DLG2: variants seen among roughly 807,000 people sequenced by gnomAD.
The protein encoded by DLG2 is discs large MAGUK scaffold protein 2, also known as disks large homolog 2.
DLG2 carries 45 observed loss-of-function variants against 132.5 expected under a neutral mutation model. That is an observed-to-expected ratio of 0.34 (90% CI 0.27 to 0.44). The LOEUF is 0.44. Ranked by LOEUF, DLG2 falls within the 20% of genes least tolerant of loss-of-function variation. DLG2 has a pLI of 1.00. For missense variants in DLG2, 1,045 were observed against 1,196.9 expected (o/e 0.87, Z 1.87); for synonymous variants, 424 against 419.6 (o/e 1.01, Z -0.13).
At chr11:84,866,612 C>G (rs950065234) in intron 6 of DLG2, among the ~76,000 whole-genome samples, 2 of 152,200 alleles carry the variant, frequency 1.3e-5, no homozygotes, top group Non-Finnish European at 2.9e-5. Flanking sequence ...CTGAACTACA[C>G]TGTTCTCATT....
At chr11:85,592,117 T>C (rs192820393) in intron 3 of DLG2, among the ~76,000 whole-genome samples, 65 of 152,372 alleles carry the variant, frequency 4.3e-4, no homozygotes, top group Non-Finnish European at 7.8e-4. Flanking sequence ...TGATGTTTTG[T>C]ATTGTTTTTC....
intron 18 of DLG2, chr11:83,725,553 C>T (rs2089844725): frequency 6.6e-6 from 1 of 152,198 alleles, no homozygotes; most frequent in African/African-American, 2.4e-5. Flanking sequence ...AAAACCAAGT[C>T]AAGAAATAAG....
intron 3 of DLG2, among the ~76,000 whole-genome samples, chr11:85,494,199 A>C (rs1284183238): frequency 1.3e-5 from 2 of 152,218 alleles, no homozygotes; most frequent in Non-Finnish European, 2.9e-5. Flanking sequence ...TGGAGGGAAC[A>C]CCATCACTTG....
intron 12 of DLG2, among the ~76,000 whole-genome samples, chr11:83,972,109 T>C (rs1292003773): frequency 6.6e-6 from 1 of 152,096 alleles, no homozygotes; most frequent in Non-Finnish European, 1.5e-5. Context: ...AAAGTTAATT[T>C]CTCAAGGCCA....
chr11:85,298,763 A>G (rs1008850656), intron 3 of DLG2, among the ~76,000 whole-genome samples: 24 of 152,080 alleles, frequency 1.6e-4, no homozygotes, highest in Non-Finnish European at 4.4e-5. Context: ...CAATATTACC[A>G]TCTGATTTTG....
intron 3 of DLG2, among the ~76,000 whole-genome samples, chr11:85,313,021 G>A (rs2080414112): frequency 6.6e-6 from 1 of 151,882 alleles, no homozygotes; most frequent in Admixed American, 6.6e-5. Context: ...TTTGGCTGTG[G>A]CTATATAACT....
At chr11:83,578,855 T>C (rs2096924336) in intron 19 of DLG2, among the ~76,000 whole-genome samples, 1 of 152,242 alleles carries the variant, frequency 6.6e-6, no homozygotes, top group South Asian at 2.1e-4. Context: ...AAGATTATTA[T>C]ATTTCTGGGT....
intron 5 of DLG2, among the ~76,000 whole-genome samples, chr11:85,140,573 G>A (rs1474327192): frequency 7.1e-6 from 1 of 141,458 alleles, no homozygotes; most frequent in Non-Finnish European, 1.6e-5. Flanking sequence ...TTTTTTTTTT[G>A]TATTAGACAC....
chr11:84,867,905 TCTA>T (rs1295747321), intron 6 of DLG2, among the ~76,000 whole-genome samples: 1 of 151,936 alleles, frequency 6.6e-6, no homozygotes, highest in African/African-American at 2.4e-5. Flanking sequence ...AAACCCCATC[TCTA>T]CTAAAAATAC....
chr11:84,020,252 C>T (rs1386118134), intron 11 of DLG2, among the ~76,000 whole-genome samples: 1 of 151,928 alleles, frequency 6.6e-6, no homozygotes, highest in Non-Finnish European at 1.5e-5. Context: ...ATTCTTTATG[C>T]CTTTGAGTAA....
At chr11:83,786,463 A>C in intron 18 of DLG2, 1 of 489,364 alleles carries the variant, frequency 2.0e-6, no homozygotes. Flanking sequence ...TATTTATTTG[A>C]ATTCATATTT....
At chr11:85,415,604 TG>T (rs1936297512) in intron 3 of DLG2, among the ~76,000 whole-genome samples, 1 of 152,230 alleles carries the variant, frequency 6.6e-6, no homozygotes, top group South Asian at 2.1e-4. Context: ...ATTTCTCTAA[TG>T]ACCAGTGTTG....
intron 21 of DLG2, among the ~76,000 whole-genome samples, chr11:83,505,127 T>C (rs1428851703): frequency 1.3e-5 from 2 of 152,176 alleles, no homozygotes; most frequent in East Asian, 1.9e-4. Context: ...AGGACAGGCA[T>C]ACCCATATCC....
intron 9 of DLG2, among the ~76,000 whole-genome samples, chr11:84,140,629 C>T (rs1029349097): frequency 2.6e-5 from 4 of 152,072 alleles, no homozygotes; most frequent in African/African-American, 9.7e-5. Flanking sequence ...ATAAGTTAGG[C>T]AGATGAGCAG....
intron 10 of DLG2, among the ~76,000 whole-genome samples, chr11:84,073,420 A>G (rs1329837634): frequency 6.6e-6 from 1 of 152,210 alleles, no homozygotes; most frequent in Non-Finnish European, 1.5e-5. Flanking sequence ...GACCTCAAAT[A>G]TAAGTTGAGA....
At chr11:84,587,112 C>A (rs545683737) in intron 6 of DLG2, among the ~76,000 whole-genome samples, 9 of 148,642 alleles carry the variant, frequency 6.1e-5, no homozygotes, top group Non-Finnish European at 1.2e-4. Flanking sequence ...AAGTACATAT[C>A]CAGGTGACAA....
At chr11:84,502,371 T>C (rs527463453) in intron 7 of DLG2, among the ~76,000 whole-genome samples, 8 of 88,500 alleles carry the variant, frequency 9.0e-5, no homozygotes, top group South Asian at 3.4e-4. Flanking sequence ...TCTTTCTTTC[T>C]TTCTTTCTTT....
intron 10 of DLG2, among the ~76,000 whole-genome samples, chr11:84,091,877 T>C (rs75459250): frequency 0.025 from 3,794 of 152,268 alleles, 154 homozygotes; most frequent in African/African-American, 0.086. Flanking sequence ...GTATGTCTGA[T>C]GTCTTCTATC....
intron 6 of DLG2, chr11:84,640,521 AT>A (rs913946946): frequency 3.0e-5 from 11 of 371,240 alleles, no homozygotes; most frequent in African/African-American, 2.3e-4. Flanking sequence ...TTTGGATGGT[AT>A]CTATGTGTCT....
Sources: allele counts gnomAD v4.1 joint callset (sites outside exome capture counted in the v4.1 genomes callset), GRCh38; gene constraint gnomAD v4.1.1; transcripts MANE v1.5; gene names NCBI Gene and HGNC (gene_info 2026-07-23, HGNC 2026-07-21).